Variants in PCBP2 observed in about 807,000 individuals in gnomAD.
The protein encoded by PCBP2 is poly(rC) binding protein 2.
Under a neutral mutation model 50.1 loss-of-function variants are expected in PCBP2, and 4 were observed. The observed-to-expected ratio is 0.08, with a 90% CI of 0.04 to 0.18. PCBP2 has a LOEUF of 0.18. PCBP2 is among the 10% of genes least tolerant of loss of function. The pLI is 1.00. For missense variants in PCBP2, 161 were observed against 474.3 expected, an observed-to-expected ratio of 0.34 and a Z score of 6.14; for synonymous variants, 179 against 168.0, an observed-to-expected ratio of 1.07 and a Z score of -0.51.
intron 10 of PCBP2, among the ~76,000 whole-genome samples, chr12:53,466,175 A>G (rs970846363): frequency 6.6e-6 from 1 of 152,172 alleles, no homozygotes; most frequent in Non-Finnish European, 1.5e-5. Context: ...TAACCCCTGA[A>G]ATTTAATTCA....
At chr12:53,471,097 CAA>C (rs1565870481) in intron 13 of PCBP2, among the ~76,000 whole-genome samples, 1 of 151,824 alleles carries the variant, frequency 6.6e-6, no homozygotes, top group Non-Finnish European at 1.5e-5. Flanking sequence ...AAAAATGGGT[CAA>C]GAGTTGAGTT....
At chr12:53,476,440 T>G (rs994208883) in intron 14 of PCBP2, among the ~76,000 whole-genome samples, 6 of 152,222 alleles carry the variant, frequency 3.9e-5, no homozygotes, top group Admixed American at 2.6e-4. Flanking sequence ...TGAAATCTTG[T>G]TCATTTTCTT....
chr12:53,477,108 C>A (rs1005405654), intron 14 of PCBP2, among the ~76,000 whole-genome samples: 1 of 152,168 alleles, frequency 6.6e-6, no homozygotes, highest in Non-Finnish European at 1.5e-5. Flanking sequence ...ATCCCCTTCT[C>A]CCTGCGTCAC....
At chr12:53,466,741 C>T (rs1215008830) in intron 10 of PCBP2, among the ~76,000 whole-genome samples, 3 of 152,060 alleles carry the variant, frequency 2.0e-5, no homozygotes, top group Non-Finnish European at 4.4e-5. Context: ...GGTGATGGGA[C>T]TAAACCCAGT....
intron 6 of PCBP2, chr12:53,460,085 C>T (rs1941343972): frequency 4.3e-6 from 1 of 230,370 alleles, no homozygotes; most frequent in East Asian, 1.2e-4. Context: ...CTTGACCAGA[C>T]TTATAAACAA....
intron 13 of PCBP2, 40 bp downstream of exon 13, chr12:53,468,872 T>TA (rs1316174042): frequency 1.4e-6 from 2 of 1,444,316 alleles, no homozygotes; most frequent in Non-Finnish European, 1.9e-6. Context: ...AATAAGAAAA[T>TA]AGACTGTAAA....
Position 53,468,917 on chromosome 12 carries a change from C to CTTTTTTTTTTTTTTTTTTTT in PCBP2, c.882+104_882+105insTTTTTTTTTTTTTTTTTTTT, listed in dbSNP as rs5798266. The CTTTTTTTTTTTTTTTTTTTT allele has an allele frequency of 8.7e-6, 5 of 574,578 alleles. No homozygotes were observed. The African/African-American group carries it at 8.7e-5, about 10-fold the overall frequency. 35.6% of individuals were successfully genotyped at this position (574,578 alleles called of 1,614,324 possible). On this transcript the variant is annotated intron_variant, in intron 13 of 14. Transcript: ENST00000546463. ...GTCGTTTCAGCAGTGTCCTGCTACCCTTTTTTTTTTTTTTTTTTTAAACAG... is the reference window on the plus strand; with the variant it reads ...GTCGTTTCAGCAGTGTCCTGCTACCCTTTTTTTTTTTTTTTTTTTTTTTTTTTTTTTTTTTTTTTAAACAG...
chr12:53,461,008 T>G lies in PCBP2; in HGVS notation c.376-7T>G, dbSNP rs763323701. On this transcript the variant is annotated splice_region_variant and splice_polypyrimidine_tract_variant and intron_variant, in intron 6 of 14. Coordinates refer to ENST00000546463, the MANE Select transcript of PCBP2 (RefSeq NM_031989.5). ...TCTCTGATTTTGAATTTCTTTTTAC[T>G]CCAAAGAGTACAGGGGCTCAGGTCC... 6.2e-7 allele frequency: 1 copy of G among 1,612,712 alleles called. No homozygotes were observed. Among genetic ancestry groups the G allele is most frequent in the South Asian group, 1.1e-5 (1 of 90,978 alleles).
In PCBP2 at chr12:53,465,921, T is replaced by C; in HGVS notation, c.673-11T>C. The stretch of plus-strand genomic sequence containing the variant: ...TGGTTTTTAATAGGAACTGTTTTCC[T>C]CCTTTTGTAGGCCTATACCATTCAA... On this transcript the variant is annotated splice_polypyrimidine_tract_variant and intron_variant, in intron 9 of 14. Coordinates refer to ENST00000546463, the MANE Select transcript of PCBP2 (RefSeq NM_031989.5). 1 of 1,610,494 alleles carries C rather than the reference T, an allele frequency of 6.2e-7. No individual in the cohort carries two copies.
chr12:53,458,291 G>GTTT (rs1555206079), intron 5 of PCBP2, among the ~76,000 whole-genome samples: 1 of 111,450 alleles, frequency 9.0e-6, no homozygotes, highest in Admixed American at 9.2e-5. Context: ...TATATCTTTC[G>GTTT]TTTTTGTTTT....
intron 9 of PCBP2, among the ~76,000 whole-genome samples, chr12:53,465,688 C>T (rs1404626409): frequency 1.3e-5 from 2 of 152,110 alleles, no homozygotes; most frequent in Non-Finnish European, 2.9e-5. Flanking sequence ...TATATTTTGC[C>T]TTTGATTGCA....
intron 14 of PCBP2, among the ~76,000 whole-genome samples, chr12:53,478,432 C>G (rs1565877013): frequency 1.3e-5 from 2 of 151,928 alleles, no homozygotes; most frequent in African/African-American, 4.8e-5. Flanking sequence ...CGCTAGAACA[C>G]GGGAGGCAGG....
chr12:53,459,462 T>C (rs1941284089), intron 6 of PCBP2, 59 bp downstream of exon 6: 8 of 1,526,220 alleles, frequency 5.2e-6, no homozygotes, highest in Admixed American at 3.6e-5. Context: ...ATTGGCTCTT[T>C]GTATGGCTAG....
chr12:53,454,933 C>G, intron 2 of PCBP2, 64 bp downstream of exon 2: 1 of 1,339,610 alleles, frequency 7.5e-7, no homozygotes, highest in Non-Finnish European at 1.1e-6. Flanking sequence ...GAAGAGCAGA[C>G]ATGCATCTTG....
chr12:53,464,784 A>G lies in PCBP2; in HGVS notation c.604A>G (p.Ser202Gly), dbSNP rs1265032419. ...GQDRYSTGSD[S>G]ASFPHTTPSM... ...GGACAGGTACAGCACAGGCAGCGAC[A>G]GTGCGAGCTTTCCCCACACCACCCC... The change falls in exon 9 of 15, where the codon AGT (serine) becomes GGT (glycine). Residue 202 changes from serine to glycine, a missense_variant. Transcript: ENST00000546463. 6.2e-7 allele frequency: 1 copy of G among 1,612,180 alleles called. No homozygotes were observed. The highest frequency in any genetic ancestry group is 1.3e-5 in the African/African-American group (1 of 74,852).
intron 14 of PCBP2, among the ~76,000 whole-genome samples, chr12:53,474,515 C>T (rs1356410435): frequency 6.7e-6 from 1 of 150,096 alleles, no homozygotes; most frequent in Non-Finnish European, 1.5e-5. Context: ...AACATTTCTT[C>T]CTTGTTGGGT....
At chr12:53,477,687 A>C (rs1022722253) in intron 14 of PCBP2, among the ~76,000 whole-genome samples, 1 of 148,290 alleles carries the variant, frequency 6.7e-6, no homozygotes, top group Non-Finnish European at 1.5e-5. Context: ...AAAAAAAAAA[A>C]AAAAAAACCC....
At chr12:53,468,589 C>G (rs896339955) in intron 12 of PCBP2, 188 bp from the exon 13 acceptor site, 4 of 593,534 alleles carry the variant, frequency 6.7e-6, no homozygotes, top group African/African-American at 3.8e-5. Context: ...ACAGAAGAAC[C>G]TTTCGAGCAT....
intron 9 of PCBP2, 115 bp from the exon 10 acceptor site, chr12:53,465,817 T>A (rs901091154): frequency 1.3e-6 from 1 of 778,008 alleles, no homozygotes; most frequent in South Asian, 1.6e-5. Context: ...ATCTCTGGCC[T>A]CCCCCATTCT....
Sources: allele counts gnomAD v4.1 joint callset (sites outside exome capture counted in the v4.1 genomes callset), GRCh38; gene constraint gnomAD v4.1.1; transcripts MANE v1.5; gene names NCBI Gene and HGNC (gene_info 2026-07-23, HGNC 2026-07-21).